ERICH1: variants seen among roughly 807,000 people sequenced by gnomAD.
ERICH1 encodes glutamate rich 1.
In ERICH1, 56 loss-of-function variants were observed where a neutral mutation model predicts 39.6. The ratio of observed to expected loss-of-function variants is 1.41; its 90% CI spans 1.14 to 1.77. The LOEUF is 1.77. Ranked by LOEUF, ERICH1 falls within the 40% of genes most tolerant of loss-of-function variation. The probability of loss-of-function intolerance (pLI) is 0.00; values close to 1 mark genes in which losing one functional copy is unlikely to be tolerated. For missense variants in ERICH1, 826 were observed against 575.4 expected, an observed-to-expected ratio of 1.44 and a Z score of -4.45; for synonymous variants, 313 against 223.6, an observed-to-expected ratio of 1.40 and a Z score of -3.57.
Position 708,315 on chromosome 8 carries a change from G to A in ERICH1, c.169+7546C>T, listed in dbSNP as rs116917227. 6.0e-3 allele frequency among the ~76,000 whole-genome samples: 918 copies of A among 152,162 alleles called. 8 individuals are homozygous for A. Among genetic ancestry groups the A allele is most frequent in the Non-Finnish European group, 9.3e-3 (630 of 68,016 alleles). The stretch of plus-strand genomic sequence containing the variant: ...AAACTCAAGAGAATCGAAAACATAC[G>A]TCCACACCAGGCCACACAAGAACAT... On this transcript the variant is annotated intron_variant, in intron 2 of 5. Coordinates refer to ENST00000262109, the MANE Select transcript of ERICH1 (RefSeq NM_207332.3).
At chr8:698,335 C>T (rs1346736477) in intron 2 of ERICH1, among the ~76,000 whole-genome samples, 1 of 151,968 alleles carries the variant, frequency 6.6e-6, no homozygotes, top group Non-Finnish European at 1.5e-5. Flanking sequence ...TCTCATTCCT[C>T]AGTCTCCCGA....
At chr8:654,563 T>C (rs1250429797) in intron 3 of ERICH1, among the ~76,000 whole-genome samples, 1 of 152,190 alleles carries the variant, frequency 6.6e-6, no homozygotes, top group Non-Finnish European at 1.5e-5. Flanking sequence ...AAACATTGAC[T>C]ACAGTTTTAA....
At chr8:705,171 C>G in intron 2 of ERICH1, among the ~76,000 whole-genome samples, 1 of 152,322 alleles carries the variant, frequency 6.6e-6, no homozygotes, top group South Asian at 2.1e-4. Flanking sequence ...TTGACCTAAC[C>G]GTACAAGAAC....
In ERICH1 at chr8:618,391, G is replaced by T. The variant is rs566740808; in HGVS notation, c.977-3107C>A. On this transcript the variant is annotated intron_variant, in intron 3 of 3. Transcript: ENST00000522706. ...GTCCTCACTGCCCTCTGAGTGCTTGGTGCTTGGTCCACCATCACTGCCCTC... is the reference window on the plus strand; with the variant it reads ...GTCCTCACTGCCCTCTGAGTGCTTGTTGCTTGGTCCACCATCACTGCCCTC... Among the ~76,000 whole-genome samples, 12 of 152,186 alleles carry T rather than the reference G, an allele frequency of 7.9e-5. No homozygotes were observed. In the East Asian group the frequency reaches 1.9e-3, roughly 25 times the overall value.
downstream of ERICH1, among the ~76,000 whole-genome samples, chr8:663,399 G>A (rs888211129): frequency 6.6e-6 from 1 of 152,194 alleles, no homozygotes; most frequent in African/African-American, 2.4e-5. Flanking sequence ...GGAGTGGGGA[G>A]CCCAGCAGCC....
At chr8:626,764 G>A (rs895361146) in intron 3 of ERICH1, 2 of 213,294 alleles carry the variant, frequency 9.4e-6, no homozygotes, top group African/African-American at 4.4e-5. Context: ...CTCCTGTCCT[G>A]TCTCTCAGTT....
rs1554481907 is a variant in ERICH1, at chr8:634,183, A to AAACAAAAACAAACAAACAAAC, written c.977-18900_977-18899insGTTTGTTTGTTTGTTTTTGTT. On this transcript the variant is annotated intron_variant, in intron 3 of 3. Transcript: ENST00000522706. ...TCCTAAAACTCAAAAAAAAAAAAAA[A>AAACAAAAACAAACAAACAAAC]AAACAAACAAAAAAAACCCTGATTC... Among the ~76,000 whole-genome samples the AAACAAAAACAAACAAACAAAC allele has an allele frequency of 1.0e-4, 14 of 135,846 alleles. 1 individual carries two copies. The highest frequency in any genetic ancestry group is 4.1e-4 in the African/African-American group (14 of 34,358). The allele number at this position is 135,846 out of a possible 152,430, so 89.1% of individuals were successfully genotyped here.
At chr8:650,729 A>G (rs4735895) in intron 3 of ERICH1, among the ~76,000 whole-genome samples, 102,788 of 152,102 alleles carry the variant, frequency 0.68, 36,075 homozygotes, top group Non-Finnish European at 0.78. Flanking sequence ...ACCCCGCAGC[A>G]CACGCTGATA....
At chr8:700,245 GCC>G (rs1563298272) in intron 2 of ERICH1, among the ~76,000 whole-genome samples, 1 of 42,798 alleles carries the variant, frequency 2.3e-5, no homozygotes, top group Non-Finnish European at 4.7e-5. Context: ...GCCCGCACAG[GCC>G]CGCACACGCG....
At chr8:724,256 C>T (rs1818030170) in intron 1 of ERICH1, among the ~76,000 whole-genome samples, 1 of 152,126 alleles carries the variant, frequency 6.6e-6, no homozygotes, top group Admixed American at 6.6e-5. Flanking sequence ...CAGGATGCTG[C>T]GTCAGGAGGA....
chr8:633,537 C>T (rs149426053), intron 3 of ERICH1, among the ~76,000 whole-genome samples: 1 of 152,282 alleles, frequency 6.6e-6, no homozygotes, highest in Non-Finnish European at 1.5e-5. Context: ...CAGAAAAACC[C>T]ACCCTAAATT....
chr8:625,370 A>C (rs62486184), intron 3 of ERICH1, among the ~76,000 whole-genome samples: 4,396 of 152,304 alleles, frequency 0.029, 87 homozygotes, highest in African/African-American at 0.051. Flanking sequence ...AAGCCGGACA[A>C]AGGAGGCCAG....
chr8:629,185 C>G lies in ERICH1; in HGVS notation c.977-13901G>C, dbSNP rs199526178. On this transcript the variant is annotated intron_variant, in intron 3 of 3. Coordinates refer to the ERICH1 transcript ENST00000522706. ...TGATCATACGGTCCCACCCAGCACC[C>G]CCTTCCTAGCCACACTCAGGGCTTT... Among the ~76,000 whole-genome samples, 34 of 152,274 alleles carry G rather than the reference C, an allele frequency of 2.2e-4. No homozygotes were observed. The East Asian group carries it at 3.3e-3, about 15-fold the overall frequency.
At chr8:715,799 G>A in intron 2 of ERICH1, 62 bp downstream of exon 2, 2 of 1,556,162 alleles carry the variant, frequency 1.3e-6, no homozygotes, top group Non-Finnish European at 1.7e-6. Flanking sequence ...TCCAAGGCAA[G>A]TGATGATGAC....
At chr8:688,396 G>C (rs969441893) in intron 3 of ERICH1, among the ~76,000 whole-genome samples, 1 of 132,536 alleles carries the variant, frequency 7.5e-6, no homozygotes, top group Non-Finnish European at 1.7e-5. Context: ...GGCTCCAGAG[G>C]CGCCCAGGCT....
intron 3 of ERICH1, among the ~76,000 whole-genome samples, chr8:655,963 C>T (rs1800611251): frequency 6.6e-6 from 1 of 152,070 alleles, no homozygotes; most frequent in African/African-American, 2.4e-5. Context: ...CCTCCCCCTG[C>T]CCAGGTGGAC....
intron 3 of ERICH1, among the ~76,000 whole-genome samples, chr8:651,790 C>A (rs898674204): frequency 6.6e-5 from 10 of 151,958 alleles, no homozygotes; most frequent in Non-Finnish European, 1.2e-4. Flanking sequence ...GGTTTCCCTT[C>A]GGCAGCCACT....
At chr8:641,733 C>G (rs973158981) in intron 3 of ERICH1, among the ~76,000 whole-genome samples, 1 of 152,334 alleles carries the variant, frequency 6.6e-6, no homozygotes, top group East Asian at 1.9e-4. Flanking sequence ...CCCTCCCCGC[C>G]GATTCCTCTC....
In ERICH1 at chr8:625,421, G is replaced by T. The variant is rs962025538; in HGVS notation, c.977-10137C>A. On this transcript the variant is annotated intron_variant, in intron 3 of 3. Coordinates refer to the ERICH1 transcript ENST00000522706. ...TCTACAGGACACGTCCACAGAAGTG[G>T]ACAAATCTACAGAGACAGGAAGAAG... is the stretch of plus-strand genomic sequence containing the variant. 7.9e-5 allele frequency among the ~76,000 whole-genome samples: 12 copies of T among 152,268 alleles called. No homozygotes were observed. In the South Asian group the frequency reaches 2.5e-3, roughly 32 times the overall value.
Sources: gnomAD v4.1 joint callset for allele counts (sites outside exome capture counted in the v4.1 genomes callset) on GRCh38, gnomAD v4.1.1 for gene constraint, MANE v1.5 for transcripts, NCBI Gene and HGNC (gene_info 2026-07-23, HGNC 2026-07-21) for gene names.